The following NUP210L variants were observed in gnomAD, a reference collection of about 807,000 sequenced individuals.
NUP210L encodes the protein nuclear pore membrane glycoprotein 210-like.
NUP210L carries 74 observed loss-of-function variants against 208.5 expected under a neutral mutation model. The ratio of observed to expected loss-of-function variants is 0.35; its 90% CI spans 0.29 to 0.43. The LOEUF is 0.43. NUP210L is among the 20% of genes least tolerant of loss of function. NUP210L has a pLI of 1.00. For synonymous variants in NUP210L, 780 were observed against 816.9 expected (o/e 0.95, Z 0.77); for missense variants, 1,843 against 2,289.4 (o/e 0.81, Z 3.98).
At position 154,019,012 on chromosome 1, in the gene NUP210L, G is replaced by C. The variant is rs780996708; in HGVS notation, c.4574C>G (p.Thr1525Ser). Reference sequence around the variant, plus strand: ...CGGACTCCTGGCCACTCCTACTCCAGTGACAATGTCTGTCTGTAGAATATT... The same window carrying C: ...CGGACTCCTGGCCACTCCTACTCCACTGACAATGTCTGTCTGTAGAATATT... The change falls in exon 33 of 40, where the codon ACT (threonine) becomes AGT (serine). Residue 1525 changes from threonine (T) to serine (S), a missense_variant. Coordinates refer to ENST00000368559, the Ensembl canonical transcript of NUP210L. 9.9e-6 allele frequency: 16 copies of C among 1,613,916 alleles called. No homozygotes were observed. Among genetic ancestry groups the C allele is most frequent in the Non-Finnish European group, 1.4e-5 (16 of 1,179,944 alleles).
chr1:154,042,749 C>A (rs1281773120), intron 27 of NUP210L, among the ~76,000 whole-genome samples: 1 of 150,412 alleles, frequency 6.6e-6, no homozygotes, highest in African/African-American at 2.5e-5. Context: ...GAGACAAGGT[C>A]TCACTCTGTT....
intron 27 of NUP210L, among the ~76,000 whole-genome samples, chr1:154,034,081 G>T (rs1330235463): frequency 6.6e-6 from 1 of 151,856 alleles, no homozygotes; most frequent in Non-Finnish European, 1.5e-5. Context: ...AATTCAGTTT[G>T]CTAGTATTTT....
rs1266564308 is a variant in NUP210L, at chr1:154,054,337, A to G, written c.3374T>C (p.Val1125Ala). 1.9e-6 allele frequency: 3 copies of G among 1,614,134 alleles called. No individual in the cohort carries two copies. In the Admixed American group the frequency reaches 5.0e-5, roughly 27 times the overall value. Residue 1125 changes from valine to alanine, a missense_variant, in exon 25 of 40, where the codon GTT becomes GCT. Physicochemically the swap from Val to Ala is moderately conservative, Grantham distance 64. Coordinates refer to ENST00000368559, the Ensembl canonical transcript of NUP210L. ...TGTAACTTGCCCCCTCCTATTAACA[A>G]CAGCCACGGTCTGATTACTGATGGA... is the stretch of plus-strand genomic sequence containing the variant.
At chr1:154,043,248 G>A (rs1413369220) in intron 27 of NUP210L, among the ~76,000 whole-genome samples, 1 of 151,838 alleles carries the variant, frequency 6.6e-6, no homozygotes, top group Admixed American at 6.6e-5. Flanking sequence ...TTGAACTCCT[G>A]GGCTCAAGTG....
At chr1:154,014,623 G>A (rs1339814381) in intron 33 of NUP210L, among the ~76,000 whole-genome samples, 1 of 152,146 alleles carries the variant, frequency 6.6e-6, no homozygotes, top group African/African-American at 2.4e-5. Flanking sequence ...TGCCATGTAT[G>A]TAATTGTTTA....
chr1:154,095,763 C>A (rs746118366), intron 14 of NUP210L, among the ~76,000 whole-genome samples: 1 of 152,144 alleles, frequency 6.6e-6, no homozygotes, highest in Non-Finnish European at 1.5e-5. Context: ...AATAATACAT[C>A]TATACACTTC....
At chr1:154,024,879 CCAAAGCTG>C in intron 30 of NUP210L, among the ~76,000 whole-genome samples, 1 of 150,268 alleles carries the variant, frequency 6.7e-6, no homozygotes, top group East Asian at 2.0e-4. Context: ...AGTCCTTTTG[CCAAAGCTG>C]CTAGGAAGAC....
intron 6 of NUP210L, among the ~76,000 whole-genome samples, chr1:154,137,222 A>G (rs1407031989): frequency 6.6e-6 from 1 of 152,094 alleles, no homozygotes; most frequent in Non-Finnish European, 1.5e-5. Context: ...AAGGAGTTCA[A>G]GACCAGCCTG....
At chr1:154,002,452 T>G (rs2147889634) in intron 35 of NUP210L, among the ~76,000 whole-genome samples, 1 of 151,906 alleles carries the variant, frequency 6.6e-6, no homozygotes, top group South Asian at 2.1e-4. Flanking sequence ...GCCAACATGG[T>G]GAAACCCCCA....
chr1:154,041,499 T>G (rs937539335), intron 27 of NUP210L, among the ~76,000 whole-genome samples: 5 of 152,120 alleles, frequency 3.3e-5, no homozygotes, highest in Non-Finnish European at 7.3e-5. Context: ...CCTGGTTAAT[T>G]TTTTTATTTG....
exon 27 of NUP210L, chr1:154,046,143 C>T (rs780799998): frequency 1.9e-6 from 3 of 1,613,994 alleles, no homozygotes; most frequent in Admixed American, 1.7e-5. Flanking sequence ...CCAGGATTAG[C>T]ATTGCTGAAG....
At chr1:154,051,400 G>A (rs1653490796) in intron 25 of NUP210L, among the ~76,000 whole-genome samples, 1 of 152,022 alleles carries the variant, frequency 6.6e-6, no homozygotes, top group Non-Finnish European at 1.5e-5. Flanking sequence ...ATTTTTAGTA[G>A]AGATGGGGTT....
In NUP210L at chr1:154,055,135, C is replaced by CTTTCT. The variant is rs3076137; in HGVS notation, c.3241-308_3241-304dup. ...TTCTCTTTCTTTCTTTTCTTTCTTT[C>CTTTCT]TTTCTTTCTTTCTTTCTTTCTTTCT... On this transcript the variant is annotated intron_variant, in intron 23 of 39. Coordinates refer to ENST00000368559, the Ensembl canonical transcript of NUP210L. Among the ~76,000 whole-genome samples the CTTTCT allele has an allele frequency of 2.8e-4, 20 of 70,558 alleles. 1 individual carries two copies. Among genetic ancestry groups the CTTTCT allele is most frequent in the African/African-American group, 1.3e-3 (17 of 13,582 alleles). The allele number at this position is 70,558 out of a possible 152,430, so 46.3% of individuals were successfully genotyped here.
chr1:153,995,066 A>G lies in NUP210L; in HGVS notation c.5491+10T>C. ...GTCAAAGTCTATGTTATTGAATATA[A>G]GGACTCTACCTAGGAAGATGGAAGC... On this transcript the variant is annotated intron_variant, in intron 38 of 39. Coordinates refer to ENST00000368559, the Ensembl canonical transcript of NUP210L. 1.3e-6 allele frequency: 2 copies of G among 1,552,684 alleles called. No homozygotes were observed. The highest frequency in any genetic ancestry group is 1.1e-5 in the South Asian group (1 of 87,542).
chr1:154,104,005 C>G lies in NUP210L; in HGVS notation c.1819+7G>C. The G allele has an allele frequency of 6.2e-7, 1 of 1,604,180 alleles. No individual in the cohort carries two copies. Among genetic ancestry groups the G allele is most frequent in the Non-Finnish European group, 8.5e-7 (1 of 1,174,332 alleles). On this transcript the variant is annotated splice_region_variant and intron_variant, in intron 13 of 39. Transcript: ENST00000368559. ...AAGGAAGGAGAAGATAAAAAGGCTA[C>G]TTTTACCTTCTTTGAGAAGAGTAAA...
chr1:154,057,291 A>T (rs936283309), intron 22 of NUP210L, among the ~76,000 whole-genome samples: 1 of 152,030 alleles, frequency 6.6e-6, no homozygotes, highest in Non-Finnish European at 1.5e-5. Context: ...TTAGGTTCTG[A>T]AAGTGGCCAG....
In NUP210L at chr1:154,118,817, G is replaced by A. The variant is rs778460613; in HGVS notation, c.1327-9C>T. 2.6e-6 allele frequency: 4 copies of A among 1,527,624 alleles called. No individual in the cohort carries two copies. The highest frequency in any genetic ancestry group is 1.8e-5 in the Admixed American group (1 of 56,072). The allele number at this position is 1,527,624 out of a possible 1,614,324, so 94.6% of individuals were successfully genotyped here. Reference sequence around the variant, plus strand: ...GGCTGAATATCTTTATTCTATAAGAGCAGGAAAAAAGGAGCAAAATATATT... The same window carrying A: ...GGCTGAATATCTTTATTCTATAAGAACAGGAAAAAAGGAGCAAAATATATT... On this transcript the variant is annotated splice_polypyrimidine_tract_variant and intron_variant, in intron 10 of 39. Coordinates refer to ENST00000368559, the Ensembl canonical transcript of NUP210L.
At chr1:154,004,713 C>G (rs1397799936) in intron 35 of NUP210L, among the ~76,000 whole-genome samples, 2 of 152,002 alleles carry the variant, frequency 1.3e-5, no homozygotes, top group African/African-American at 4.8e-5. Flanking sequence ...GTGGTGTGAT[C>G]ACGGCTCACT....
At chr1:154,004,366 G>A (rs566435578) in intron 35 of NUP210L, among the ~76,000 whole-genome samples, 18 of 149,678 alleles carry the variant, frequency 1.2e-4, no homozygotes, top group Admixed American at 8.1e-4. Flanking sequence ...ACTGCGCCCG[G>A]CCTTCTTTTT....
Sources: gnomAD v4.1 joint callset for allele counts (sites outside exome capture counted in the v4.1 genomes callset) on GRCh38, gnomAD v4.1.1 for gene constraint, MANE v1.5 for transcripts, NCBI Gene and HGNC (gene_info 2026-07-23, HGNC 2026-07-21) for gene names.